ADAMTS19: variants seen among roughly 807,000 people sequenced by gnomAD.
ADAMTS19 encodes the protein A disintegrin and metalloproteinase with thrombospondin motifs 19.
Under a neutral mutation model 153.3 loss-of-function variants are expected in ADAMTS19, and 93 were observed. That is an observed-to-expected ratio of 0.61 (90% CI 0.51 to 0.72). ADAMTS19 has a LOEUF of 0.72. ADAMTS19 is among the 30% of genes least tolerant of loss of function. ADAMTS19 has a pLI of 0.00. For synonymous variants in ADAMTS19, 600 were observed against 556.6 expected (o/e 1.08, Z -1.10); for missense variants, 1,482 against 1,552.1 (o/e 0.95, Z 0.76).
At chr5:129,519,674 G>A (rs778772649) in intron 3 of ADAMTS19, among the ~76,000 whole-genome samples, 13 of 151,616 alleles carry the variant, frequency 8.6e-5, no homozygotes, top group African/African-American at 2.4e-4. Flanking sequence ...GACAGGAAGC[G>A]GAAAGATTTT....
At chr5:129,644,498 T>A (rs1038091045) in intron 11 of ADAMTS19, among the ~76,000 whole-genome samples, 2 of 152,224 alleles carry the variant, frequency 1.3e-5, no homozygotes, top group Admixed American at 6.5e-5. Flanking sequence ...TATAATTACA[T>A]CTGAGAAGGT....
At chr5:129,715,103 A>G (rs1439711759) in intron 21 of ADAMTS19, among the ~76,000 whole-genome samples, 1 of 152,234 alleles carries the variant, frequency 6.6e-6, no homozygotes. Context: ...TCATATACAT[A>G]TTAAAATGTT....
At chr5:129,460,631 G>T (rs1372081276) in intron 1 of ADAMTS19, 149 bp downstream of exon 1, 8 of 787,902 alleles carry the variant, frequency 1.0e-5, no homozygotes, top group Non-Finnish European at 1.7e-5. Flanking sequence ...CAGGTTAAGG[G>T]GTCAAGTTCG....
At chr5:129,661,519 G>A (rs574083613) in intron 15 of ADAMTS19, among the ~76,000 whole-genome samples, 7 of 152,216 alleles carry the variant, frequency 4.6e-5, no homozygotes, top group Non-Finnish European at 5.9e-5. Flanking sequence ...GGCCACGCAC[G>A]TTGTATATAT....
intron 3 of ADAMTS19, among the ~76,000 whole-genome samples, chr5:129,510,703 G>C (rs1032948110): frequency 2.0e-5 from 3 of 151,778 alleles, no homozygotes; most frequent in African/African-American, 7.3e-5. Context: ...AGTTCCAGCT[G>C]TTCTAATTAC....
At chr5:129,473,957 T>A (rs998635139) in intron 2 of ADAMTS19, among the ~76,000 whole-genome samples, 1 of 152,110 alleles carries the variant, frequency 6.6e-6, no homozygotes, top group African/African-American at 2.4e-5. Flanking sequence ...AGTTTAAGCA[T>A]AAAATTCAGT....
At chr5:129,727,405 A>G (rs929555395) in intron 21 of ADAMTS19, among the ~76,000 whole-genome samples, 2 of 152,206 alleles carry the variant, frequency 1.3e-5, no homozygotes, top group African/African-American at 2.4e-5. Flanking sequence ...AACCTGAGTT[A>G]TACTAAAAAT....
chr5:129,707,324 T>G (rs1286987515), intron 21 of ADAMTS19, among the ~76,000 whole-genome samples: 1 of 152,228 alleles, frequency 6.6e-6, no homozygotes, highest in Non-Finnish European at 1.5e-5. Flanking sequence ...TTTCTTTGTT[T>G]GGTAACTTAG....
In ADAMTS19 at chr5:129,665,645, A is replaced by G. The variant is rs200700989; in HGVS notation, c.2506+66A>G. 348 of 1,224,648 alleles carry G rather than the reference A, an allele frequency of 2.8e-4. 1 individual carries two copies. The African/African-American group carries it at 4.4e-3, about 15-fold the overall frequency. The allele number at this position is 1,224,648 out of a possible 1,614,324, so 75.9% of individuals were successfully genotyped here. A position where few individuals can be genotyped will look rare whatever the true frequency, so the allele number is the denominator to read the frequency against. On this transcript the variant is annotated intron_variant, in intron 16 of 22. Coordinates refer to ENST00000274487, the MANE Select transcript of ADAMTS19 (RefSeq NM_133638.6). The stretch of plus-strand genomic sequence containing the variant: ...CCCAACTCCCTGCCCTGAGAGTTCT[A>G]TGATGAGGAGGAAGTCAATCTGTTT...
intron 15 of ADAMTS19, 87 bp downstream of exon 15, chr5:129,658,824 GTTCTAA>G (rs1753706237): frequency 7.3e-7 from 1 of 1,362,008 alleles, no homozygotes; most frequent in East Asian, 2.4e-5. Flanking sequence ...AGAGATTATA[GTTCTAA>G]TTCTATTGAA....
intron 2 of ADAMTS19, among the ~76,000 whole-genome samples, chr5:129,493,488 AC>A (rs1326567331): frequency 6.6e-6 from 1 of 151,982 alleles, no homozygotes; most frequent in Non-Finnish European, 1.5e-5. Context: ...ATTTTGAATA[AC>A]TTTCAACTAA....
chr5:129,535,499 G>A (rs368690005), intron 6 of ADAMTS19, among the ~76,000 whole-genome samples: 4 of 152,012 alleles, frequency 2.6e-5, no homozygotes, highest in Non-Finnish European at 4.4e-5. Context: ...AGGTAATTTA[G>A]AGATTCAATG....
intron 8 of ADAMTS19, among the ~76,000 whole-genome samples, chr5:129,605,453 G>C (rs1282789523): frequency 3.3e-5 from 5 of 152,208 alleles, no homozygotes; most frequent in African/African-American, 1.2e-4. Context: ...CTCCAGAGCA[G>C]CCACATGGCT....
At chr5:129,583,281 T>C (rs1749616111) in intron 7 of ADAMTS19, among the ~76,000 whole-genome samples, 1 of 152,218 alleles carries the variant, frequency 6.6e-6, no homozygotes, top group African/African-American at 2.4e-5. Context: ...AGAGATCTGG[T>C]ATTAGTCTGA....
intron 6 of ADAMTS19, among the ~76,000 whole-genome samples, chr5:129,538,516 C>G (rs1377780968): frequency 1.3e-5 from 2 of 152,092 alleles, no homozygotes; most frequent in Non-Finnish European, 2.9e-5. Context: ...GAACTGACCA[C>G]TCTTCATTAT....
At chr5:129,644,258 CT>C in intron 11 of ADAMTS19, among the ~76,000 whole-genome samples, 1 of 152,290 alleles carries the variant, frequency 6.6e-6, no homozygotes, top group African/African-American at 2.4e-5. Flanking sequence ...GCCATGTGGG[CT>C]TCTTCAAATA....
In ADAMTS19 at chr5:129,647,795, AC is replaced by A; in HGVS notation, c.1905del (p.Ser636GlnfsTer34). 2 of 1,614,060 alleles carry A rather than the reference AC, an allele frequency of 1.2e-6. No homozygotes were observed. The highest frequency in any genetic ancestry group is 2.2e-5 in the East Asian group (1 of 44,876). ...WCKAGECTSR[T>X]SAPEHLAGEW... ...TAAGGCTGGAGAATGTACCAGCAGG[AC>A]CTCAGCACCTGAACATCTGGCCGGA... On this transcript the variant is annotated frameshift_variant, in exon 12 of 23. Transcript: ENST00000274487. LOFTEE classifies it high-confidence loss of function.
intron 2 of ADAMTS19, among the ~76,000 whole-genome samples, chr5:129,501,738 G>T (rs371289049): frequency 6.6e-5 from 10 of 151,882 alleles, no homozygotes; most frequent in East Asian, 3.9e-4. Flanking sequence ...ATTAGCGTGT[G>T]TCCAAGGCTT....
intron 10 of ADAMTS19, among the ~76,000 whole-genome samples, chr5:129,634,818 C>T (rs930448839): frequency 6.6e-6 from 1 of 151,666 alleles, no homozygotes; most frequent in Non-Finnish European, 1.5e-5. Flanking sequence ...TAGGCAATAC[C>T]ATTCTGGACA....
Sources: allele counts gnomAD v4.1 joint callset (sites outside exome capture counted in the v4.1 genomes callset), GRCh38; gene constraint gnomAD v4.1.1; transcripts MANE v1.5; gene names NCBI Gene and HGNC (gene_info 2026-07-23, HGNC 2026-07-21).